SMARCA4: variants seen among roughly 807,000 people sequenced by gnomAD.
SMARCA4 encodes SWI/SNF-related matrix-associated actin-dependent regulator of chromatin subfamily A member 4.
Under a neutral mutation model 193.9 loss-of-function variants are expected in SMARCA4, and 31 were observed. That is an observed-to-expected ratio of 0.16 (90% CI 0.12 to 0.22). SMARCA4 has a LOEUF of 0.22. Ranked by LOEUF, SMARCA4 falls within the 10% of genes least tolerant of loss-of-function variation. The pLI, the probability that SMARCA4 is intolerant of heterozygous loss-of-function variation, is 1.00. For synonymous variants in SMARCA4, 942 were observed against 933.1 expected (o/e 1.01, Z -0.17); for missense variants, 1,148 against 2,296.0 (o/e 0.50, Z 10.22).
intron 30 of SMARCA4, among the ~76,000 whole-genome samples, chr19:11,050,127 T>C (rs1467318815): frequency 6.6e-6 from 1 of 152,102 alleles, no homozygotes; most frequent in African/African-American, 2.4e-5. Context: ...ACGGTGGTGT[T>C]GAACTTGAAC....
At chr19:11,048,300 C>T (rs1005918236) in intron 30 of SMARCA4, among the ~76,000 whole-genome samples, 11 of 152,014 alleles carry the variant, frequency 7.2e-5, no homozygotes, top group Admixed American at 3.3e-4. Context: ...GGCACAATCT[C>T]GGCTCCCTGC....
chr19:11,012,853 C>A, intron 15 of SMARCA4, 96 bp from the exon 16 acceptor site: 2 of 1,160,520 alleles, frequency 1.7e-6, no homozygotes, highest in African/African-American at 1.5e-5. Context: ...TTAGGCAGAA[C>A]TCGTGGCTGG....
Position 11,059,921 on chromosome 19 carries a change from C to T in SMARCA4, c.4768+36C>T, listed in dbSNP as rs556945056. On this transcript the variant is annotated intron_variant, in intron 33 of 34. Coordinates refer to ENST00000344626, the MANE Select transcript of SMARCA4 (RefSeq NM_003072.5). Reference sequence around the variant, plus strand: ...GGGGGGTTCAGGACGCCGGGGTTCACGCTGGCCCGAGAGCCCCCAAGGCCC... The same window carrying T: ...GGGGGGTTCAGGACGCCGGGGTTCATGCTGGCCCGAGAGCCCCCAAGGCCC... 30 of 1,613,544 alleles carry T rather than the reference C, an allele frequency of 1.9e-5. No individual in the cohort carries two copies. The East Asian group carries it at 2.0e-4, about 11-fold the overall frequency.
At chr19:11,012,743 C>A in intron 15 of SMARCA4, 1 of 626,214 alleles carries the variant, frequency 1.6e-6, no homozygotes, top group South Asian at 1.7e-5. Context: ...CATCCTGCAG[C>A]TTCACAGACG....
chr19:11,000,263 G>A (rs570086002), intron 11 of SMARCA4, among the ~76,000 whole-genome samples: 1 of 151,944 alleles, frequency 6.6e-6, no homozygotes, highest in Non-Finnish European at 1.5e-5. Flanking sequence ...TGGACCAGGT[G>A]TGGTGGCTCA....
chr19:10,993,402 G>C (rs2086728891), intron 8 of SMARCA4, among the ~76,000 whole-genome samples: 1 of 152,228 alleles, frequency 6.6e-6, no homozygotes, highest in South Asian at 2.1e-4. Flanking sequence ...TTGAGGACAT[G>C]CAGCATGTTT....
intron 8 of SMARCA4, among the ~76,000 whole-genome samples, chr19:10,993,652 G>T (rs909657046): frequency 1.2e-4 from 18 of 146,500 alleles, no homozygotes; most frequent in East Asian, 4.0e-4. Flanking sequence ...TGCTTAGTTT[G>T]TTTTTTTTTT....
chr19:10,981,650 G>C (rs1206512770), intron 1 of SMARCA4, among the ~76,000 whole-genome samples: 1 of 152,152 alleles, frequency 6.6e-6, no homozygotes, highest in Non-Finnish European at 1.5e-5. Context: ...GTGGAATGAG[G>C]TCATTTTGAG....
intron 1 of SMARCA4, among the ~76,000 whole-genome samples, chr19:10,982,582 C>T (rs1393447775): frequency 2.6e-5 from 4 of 151,630 alleles, no homozygotes; most frequent in African/African-American, 4.8e-5. Context: ...TCACTGCAAG[C>T]GCCGCCTCCT....
rs536512066 is a variant in SMARCA4 at position 11,039,060 on chromosome 19, A to T, written c.4171-2247A>T. 6.8e-5 allele frequency among the ~76,000 whole-genome samples: 10 copies of T among 147,770 alleles called. No individual in the cohort carries two copies. In the South Asian group the frequency reaches 1.7e-3, roughly 25 times the overall value. On this transcript the variant is annotated intron_variant, in intron 29 of 34. Coordinates refer to ENST00000344626, the MANE Select transcript of SMARCA4 (RefSeq NM_003072.5). ...AAATAGCAAGACCTTTGTCTCTATT[A>T]AAAAAAAAAATGCCAGGCACAGTGA...
chr19:11,008,232 T>C (rs2146200222), intron 14 of SMARCA4: 1 of 528,522 alleles, frequency 1.9e-6, no homozygotes, highest in South Asian at 1.7e-5. Context: ...TGGTTCACCA[T>C]ATGCTTACGA....
chr19:10,997,045 A>G (rs1204204005), intron 11 of SMARCA4, among the ~76,000 whole-genome samples: 3 of 149,044 alleles, frequency 2.0e-5, no homozygotes, highest in South Asian at 4.2e-4. Context: ...TTTGAGATGG[A>G]GTTTTGCTCT....
Position 11,041,036 on chromosome 19 carries a change from T to G in SMARCA4, c.4171-271T>G. On this transcript the variant is annotated intron_variant, in intron 29 of 34. Transcript: ENST00000344626. This position sits in a 1 kb window ranked among gnomAD's most constrained non-coding sequence, Gnocchi z 5.6. ...GTTCTTTTCTGTACAGAGAAGATAG[T>G]TCTTTTTTTTTGGTCAAGAAATTCA... 1 of 499,478 alleles carries G rather than the reference T, an allele frequency of 2.0e-6. No homozygotes were observed. Among genetic ancestry groups the G allele is most frequent in the East Asian group, 3.4e-5 (1 of 29,696 alleles). The allele number at this position is 499,478 out of a possible 1,614,324, so 30.9% of individuals were successfully genotyped here.
chr19:10,963,503 C>T (rs2083976330), intron 1 of SMARCA4, among the ~76,000 whole-genome samples: 1 of 152,022 alleles, frequency 6.6e-6, no homozygotes, highest in South Asian at 2.1e-4. Context: ...CAGTTGTCCT[C>T]ATCTCCCCTA....
At chr19:11,028,301 A>T (rs2090405809) in intron 24 of SMARCA4, among the ~76,000 whole-genome samples, 1 of 152,218 alleles carries the variant, frequency 6.6e-6, no homozygotes, top group South Asian at 2.1e-4. Context: ...TAACCCCAGG[A>T]GGTTAAACAT....
At chr19:11,004,244 T>TAAGC (rs2087951621) in intron 13 of SMARCA4, among the ~76,000 whole-genome samples, 1 of 143,272 alleles carries the variant, frequency 7.0e-6, no homozygotes, top group Non-Finnish European at 1.5e-5. Context: ...CTTGAACTCT[T>TAAGC]GACTGGTGAT....
chr19:11,047,182 T>C (rs2075981382), intron 30 of SMARCA4, among the ~76,000 whole-genome samples: 1 of 152,068 alleles, frequency 6.6e-6, no homozygotes, highest in Admixed American at 6.6e-5. Context: ...TTGTTACGCT[T>C]GCAGTTATGA....
chr19:11,061,721 C>T (rs180785286), intron 34 of SMARCA4, 63 bp from the exon 35 acceptor site: 4 of 1,506,914 alleles, frequency 2.7e-6, no homozygotes, highest in Non-Finnish European at 3.7e-6. Flanking sequence ...TTTGGCAGGT[C>T]CCTGGCAAGG....
At chr19:11,021,412 T>A in intron 18 of SMARCA4, 1 of 461,666 alleles carries the variant, frequency 2.2e-6, no homozygotes, top group Non-Finnish European at 4.2e-6. Context: ...GTGCTCGGCA[T>A]TTTTCTGTGC....
Sources: allele counts gnomAD v4.1 joint callset (sites outside exome capture counted in the v4.1 genomes callset), GRCh38; gene constraint gnomAD v4.1.1; non-coding constraint Gnocchi (gnomAD v3.1); transcripts MANE v1.5; gene names NCBI Gene and HGNC (gene_info 2026-07-23, HGNC 2026-07-21).